The following NTNG1 variants were observed in gnomAD, a reference collection of about 807,000 sequenced individuals.
NTNG1 encodes netrin G1, also known as netrin-G1.
Under a neutral mutation model 54.0 loss-of-function variants are expected in NTNG1, and 16 were observed. The ratio of observed to expected loss-of-function variants is 0.30; its 90% confidence interval spans 0.20 to 0.45. NTNG1 has a LOEUF of 0.45. Among genes scored for constraint, NTNG1 ranks in the 20% least tolerant of loss-of-function variants. NTNG1 has a pLI of 1.00. For synonymous variants in NTNG1, 255 were observed against 263.1 expected (o/e 0.97, Z 0.30); for missense variants, 530 against 678.7 (o/e 0.78, Z 2.43).
intron 2 of NTNG1, among the ~76,000 whole-genome samples, chr1:107,283,863 T>G (rs1665024147): frequency 1.3e-5 from 2 of 152,176 alleles, no homozygotes; most frequent in Admixed American, 6.6e-5. Context: ...GTCTTTCAGT[T>G]ATTCATTTGC....
chr1:107,225,800 A>G (rs1570901668), intron 2 of NTNG1, among the ~76,000 whole-genome samples: 1 of 152,192 alleles, frequency 6.6e-6, no homozygotes, highest in South Asian at 2.1e-4. Context: ...CTGTATTGAT[A>G]TAGAAATGAA....
chr1:107,379,401 G>C (rs1242491162), intron 3 of NTNG1, among the ~76,000 whole-genome samples: 1 of 152,150 alleles, frequency 6.6e-6, no homozygotes, highest in East Asian at 1.9e-4. Context: ...ATCAACAGTG[G>C]CCTTCAGATT....
intron 2 of NTNG1, among the ~76,000 whole-genome samples, chr1:107,250,044 C>G (rs1393237456): frequency 6.6e-6 from 1 of 152,094 alleles, no homozygotes; most frequent in Non-Finnish European, 1.5e-5. Context: ...ATAAAAGGAT[C>G]AGAAACTTAT....
In NTNG1 at chr1:107,480,747, C is replaced by T. The variant is rs1571058703; in HGVS notation, c.1527C>T (p.Gly509=). 2 of 1,608,728 alleles carry T rather than the reference C, an allele frequency of 1.2e-6. 1 individual carries two copies. The highest frequency in any genetic ancestry group is 2.2e-5 in the South Asian group (2 of 90,364). The stretch of plus-strand genomic sequence containing the variant: ...GGTGCGAGGAGGCTGGCAGCTGCGG[C>T]TCCGACTCTGGCCAGGGCGCGCCCC... ...KLRCEEAGSC[G]SDSGQGAPPH... Residue 509 remains glycine (G), a synonymous_variant, in exon 8 of 8, where the codon GGC becomes GGT. Coordinates refer to ENST00000370068, the MANE Select transcript of NTNG1 (RefSeq NM_001113226.3).
chr1:107,380,677 A>AT (rs548501536), intron 3 of NTNG1, among the ~76,000 whole-genome samples: 31 of 152,068 alleles, frequency 2.0e-4, no homozygotes, highest in African/African-American at 6.8e-4. Flanking sequence ...GAATTAGATA[A>AT]TTTTTTCCAG....
At chr1:107,394,356 A>G (rs934723353) in intron 3 of NTNG1, among the ~76,000 whole-genome samples, 1 of 152,192 alleles carries the variant, frequency 6.6e-6, no homozygotes, top group African/African-American at 2.4e-5. Context: ...TGCCTCTCAT[A>G]TATCATGGCT....
chr1:107,252,261 A>G (rs990873890), intron 2 of NTNG1, among the ~76,000 whole-genome samples: 19 of 152,180 alleles, frequency 1.2e-4, no homozygotes, highest in African/African-American at 4.3e-4. Flanking sequence ...CCCATGATGC[A>G]TTGTCCTTTT....
intron 2 of NTNG1, among the ~76,000 whole-genome samples, chr1:107,314,667 C>T (rs1322806476): frequency 1.3e-5 from 2 of 152,142 alleles, no homozygotes; most frequent in South Asian, 2.1e-4. Context: ...ATATGATCTG[C>T]AGCCTGGCCT....
chr1:107,263,719 A>G lies in NTNG1; in HGVS notation c.247-60563A>G, dbSNP rs901794249. On this transcript the variant is annotated intron_variant, in intron 2 of 7. Transcript: ENST00000370068. ...CTTATAACCTGAGGCAATCCCAGAT[A>G]TTCCCTTTGGGAAAGAAGTATTTGA... Among the ~76,000 whole-genome samples, 5 of 152,208 alleles carry G rather than the reference A, an allele frequency of 3.3e-5. No individual in the cohort carries two copies. In the South Asian group the frequency reaches 1.0e-3, roughly 31 times the overall value.
chr1:107,206,581 G>T (rs1659212973), intron 2 of NTNG1, among the ~76,000 whole-genome samples: 1 of 152,106 alleles, frequency 6.6e-6, no homozygotes, highest in African/African-American at 2.4e-5. Context: ...TTACGGAGAT[G>T]TCTGCTTAAC....
chr1:107,206,365 T>C lies in NTNG1; in HGVS notation c.246+57526T>C, dbSNP rs1402137250. 3.9e-5 allele frequency among the ~76,000 whole-genome samples: 6 copies of C among 152,306 alleles called. No homozygotes were observed. In the East Asian group the frequency reaches 9.7e-4, roughly 25 times the overall value. ...GTATAGTGGTGTTTCACTGTGGTTTTAATTTTATTTTCCCTATGGGTAATA... is the reference window on the plus strand; with the variant it reads ...GTATAGTGGTGTTTCACTGTGGTTTCAATTTTATTTTCCCTATGGGTAATA... On this transcript the variant is annotated intron_variant, in intron 2 of 7. Transcript: ENST00000370068.
chr1:107,439,863 GT>G (rs1675857061), intron 7 of NTNG1, among the ~76,000 whole-genome samples: 1 of 151,778 alleles, frequency 6.6e-6, no homozygotes. Flanking sequence ...GTGCTGGAAG[GT>G]TGATAATTTT....
chr1:107,297,591 A>C (rs1314859844), intron 2 of NTNG1, among the ~76,000 whole-genome samples: 1 of 152,084 alleles, frequency 6.6e-6, no homozygotes, highest in Non-Finnish European at 1.5e-5. Context: ...TATGTGCTCT[A>C]TGATTTAAGA....
chr1:107,423,298 G>A (rs766293293), intron 5 of NTNG1, among the ~76,000 whole-genome samples: 12 of 151,996 alleles, frequency 7.9e-5, no homozygotes, highest in Non-Finnish European at 1.8e-4. Flanking sequence ...GGGGACATTT[G>A]GCAATGTCTG....
At chr1:107,208,425 C>A (rs1431329209) in intron 2 of NTNG1, among the ~76,000 whole-genome samples, 4 of 62,222 alleles carry the variant, frequency 6.4e-5, no homozygotes, top group African/African-American at 1.1e-4. Context: ...AGCCAAACAT[C>A]ATCTCAAAAA....
chr1:107,403,459 C>T (rs1673179174), intron 4 of NTNG1, among the ~76,000 whole-genome samples: 1 of 152,110 alleles, frequency 6.6e-6, no homozygotes, highest in Non-Finnish European at 1.5e-5. Context: ...CCTGTAATCC[C>T]AGCACTTTGG....
chr1:107,430,684 G>C, intron 5 of NTNG1, 66 bp from the exon 6 acceptor site: 3 of 1,513,584 alleles, frequency 2.0e-6, no homozygotes, highest in Non-Finnish European at 2.7e-6. Context: ...TTTTACCCAA[G>C]CATGTAGTAT....
At chr1:107,399,313 C>T (rs770205697) in intron 4 of NTNG1, among the ~76,000 whole-genome samples, 1 of 152,116 alleles carries the variant, frequency 6.6e-6, no homozygotes, top group African/African-American at 2.4e-5. Flanking sequence ...TGGAGATAGA[C>T]AGAAAACTGA....
At chr1:107,479,111 A>T (rs1422676052) in intron 7 of NTNG1, among the ~76,000 whole-genome samples, 1 of 152,196 alleles carries the variant, frequency 6.6e-6, no homozygotes, top group Non-Finnish European at 1.5e-5. Flanking sequence ...ACGTGGATAC[A>T]TTTGAAAATT....
Sources: gnomAD v4.1 joint callset for allele counts (sites outside exome capture counted in the v4.1 genomes callset) on GRCh38, gnomAD v4.1.1 for gene constraint, MANE v1.5 for transcripts, NCBI Gene and HGNC (gene_info 2026-07-23, HGNC 2026-07-21) for gene names.